MYLK: variants seen among roughly 807,000 people sequenced by gnomAD.
MYLK encodes the protein myosin light chain kinase, also known as myosin light chain kinase, smooth muscle.
A neutral mutation model predicts 203.4 loss-of-function variants in MYLK; 106 were observed. The observed-to-expected ratio is 0.52, with a 90% CI of 0.45 to 0.61. MYLK has a LOEUF of 0.61. Ranked by LOEUF, MYLK falls within the 20% of genes least tolerant of loss-of-function variation. The pLI, the probability that MYLK is intolerant of heterozygous loss-of-function variation, is 0.00. For synonymous variants in MYLK, 867 were observed against 959.5 expected (o/e 0.90, Z 1.78); for missense variants, 2,072 against 2,442.3 (o/e 0.85, Z 3.20).
chr3:123,779,036 G>C (rs1370439058), intron 4 of MYLK, among the ~76,000 whole-genome samples: 1 of 152,228 alleles, frequency 6.6e-6, no homozygotes, highest in Non-Finnish European at 1.5e-5. Context: ...TATGACAAAA[G>C]AGCTTTGTCT....
intron 3 of MYLK, among the ~76,000 whole-genome samples, chr3:123,813,364 C>A (rs979881761): frequency 2.9e-4 from 44 of 152,156 alleles, no homozygotes; most frequent in African/African-American, 1.0e-3. Context: ...TGAATTCTAG[C>A]CACATGCTGG....
chr3:123,741,815 A>T (rs2062864575), intron 5 of MYLK, among the ~76,000 whole-genome samples: 1 of 152,204 alleles, frequency 6.6e-6, no homozygotes, highest in African/African-American at 2.4e-5. Flanking sequence ...CTGCCATTAA[A>T]TTATGTTTAA....
At chr3:123,676,962 C>G (rs769075686) in intron 20 of MYLK, among the ~76,000 whole-genome samples, 4 of 152,200 alleles carry the variant, frequency 2.6e-5, no homozygotes, top group Non-Finnish European at 5.9e-5. Flanking sequence ...CCTAAGGCCA[C>G]TTCTTAAGCC....
At chr3:123,738,163 GA>G (rs1675151014) in intron 7 of MYLK, among the ~76,000 whole-genome samples, 1 of 152,006 alleles carries the variant, frequency 6.6e-6, no homozygotes, top group Non-Finnish European at 1.5e-5. Context: ...CACCGATAAG[GA>G]AACCAGGATT....
At chr3:123,622,885 A>G (rs1002491032) in intron 31 of MYLK, 1 of 152,204 alleles carries the variant, frequency 6.6e-6, no homozygotes, top group African/African-American at 2.4e-5. Flanking sequence ...AAGATCGCCA[A>G]GTTTTGATTT....
chr3:123,622,322 G>C (rs527421250), intron 31 of MYLK: 1 of 152,400 alleles, frequency 6.6e-6, no homozygotes, highest in Non-Finnish European at 1.5e-5. Flanking sequence ...GTGCAAGTCA[G>C]TTCCCCTCTC....
At chr3:123,747,384 G>A (rs765382413) in intron 5 of MYLK, among the ~76,000 whole-genome samples, 33 of 152,260 alleles carry the variant, frequency 2.2e-4, no homozygotes, top group Middle Eastern at 6.8e-3. Context: ...CAGGAGCTGC[G>A]GCACTGAGGG....
intron 11 of MYLK, among the ~76,000 whole-genome samples, chr3:123,731,939 T>C (rs2062490947): frequency 6.6e-6 from 1 of 152,072 alleles, no homozygotes; most frequent in South Asian, 2.1e-4. Flanking sequence ...AAAATTATTG[T>C]AATTGTTGAT....
intron 2 of MYLK, among the ~76,000 whole-genome samples, chr3:123,872,542 A>G (rs1465671397): frequency 1.3e-5 from 2 of 152,174 alleles, no homozygotes; most frequent in Non-Finnish European, 2.9e-5. Flanking sequence ...AGGGATTCCC[A>G]TGACCCCCTT....
At chr3:123,818,228 T>C (rs1038827856) in intron 3 of MYLK, among the ~76,000 whole-genome samples, 2 of 152,210 alleles carry the variant, frequency 1.3e-5, no homozygotes, top group Non-Finnish European at 2.9e-5. Context: ...TCTCCTCTTC[T>C]ATAAGACATG....
At chr3:123,699,787 C>T (rs2061102626) in intron 18 of MYLK, among the ~76,000 whole-genome samples, 3 of 152,220 alleles carry the variant, frequency 2.0e-5, no homozygotes. Flanking sequence ...AGGATCCCAG[C>T]CCTTAGCCCC....
chr3:123,692,802 G>A lies in MYLK; in HGVS notation c.3498C>T (p.Gly1166=), dbSNP rs2060732569. 6.2e-7 allele frequency: 1 copy of A among 1,613,962 alleles called. No individual in the cohort carries two copies. The highest frequency in any genetic ancestry group is 1.3e-5 in the African/African-American group (1 of 74,904). ...SIEKALPEDR[G]LYKCVAKNDA... is the part of the protein sequence containing the mutation. ...CATTCTTGGCTACACACTTGTATAAGCCTCTGTCCTCAGGCAGTGCCTTCT... is the reference window on the plus strand; with the variant it reads ...CATTCTTGGCTACACACTTGTATAAACCTCTGTCCTCAGGCAGTGCCTTCT... The change falls in exon 19 of 34, where the codon GGC becomes GGT. Residue 1166 remains glycine, a synonymous_variant. Transcript: ENST00000360304.
At chr3:123,748,567 G>A (rs140599103) in intron 5 of MYLK, among the ~76,000 whole-genome samples, 2 of 152,272 alleles carry the variant, frequency 1.3e-5, no homozygotes, top group Non-Finnish European at 1.5e-5. Context: ...TGCTGTAAGT[G>A]TAAAATACAT....
chr3:123,743,578 C>CA (rs963983324), intron 5 of MYLK, among the ~76,000 whole-genome samples: 1 of 151,942 alleles, frequency 6.6e-6, no homozygotes, highest in Non-Finnish European at 1.5e-5. Flanking sequence ...AGTAGAAATG[C>CA]AAAAAATAGA....
chr3:123,802,186 C>T (rs972341255), intron 3 of MYLK, among the ~76,000 whole-genome samples: 2 of 152,342 alleles, frequency 1.3e-5, no homozygotes. Flanking sequence ...CTCTTTGTTT[C>T]TCAGTCTTCC....
chr3:123,742,221 C>A, intron 5 of MYLK, among the ~76,000 whole-genome samples: 1 of 152,258 alleles, frequency 6.6e-6, no homozygotes, highest in East Asian at 1.9e-4. Context: ...CAACCCATAT[C>A]CCCACTAGAA....
intron 3 of MYLK, among the ~76,000 whole-genome samples, chr3:123,798,658 A>G (rs2065075929): frequency 6.6e-6 from 1 of 152,176 alleles, no homozygotes; most frequent in African/African-American, 2.4e-5. Flanking sequence ...GCTTCAGGTT[A>G]GAAAAGGAAC....
chr3:123,675,870 C>T (rs922634490), intron 20 of MYLK, among the ~76,000 whole-genome samples: 5 of 152,168 alleles, frequency 3.3e-5, no homozygotes, highest in South Asian at 2.1e-4. Flanking sequence ...CTACTGTATA[C>T]GCTGGTCTCA....
In MYLK at chr3:123,707,918, G is replaced by A. The variant is rs757584912; in HGVS notation, c.2226C>T (p.Cys742=). 47 of 1,614,116 alleles carry A rather than the reference G, an allele frequency of 2.9e-5. No homozygotes were observed. Among genetic ancestry groups the A allele is most frequent in the Non-Finnish European group, 3.6e-5 (42 of 1,180,058 alleles). The change falls in exon 16 of 34, where the codon TGC becomes TGT. Residue 742 remains cysteine (C), a synonymous_variant. Transcript: ENST00000360304. ...ASLGQSVLIS[C]AIAGDPFPTV... ...TAGGAAAGGGGTCACCAGCTATGGC[G>A]CAGGAGATGAGGACACTCTGGCCCA...
Sources: allele counts gnomAD v4.1 joint callset (sites outside exome capture counted in the v4.1 genomes callset), GRCh38; gene constraint gnomAD v4.1.1; transcripts MANE v1.5; gene names NCBI Gene and HGNC (gene_info 2026-07-23, HGNC 2026-07-21).